The following DIAPH2 variants were observed in gnomAD, a reference collection of about 807,000 sequenced individuals.
DIAPH2 encodes the protein diaphanous related formin 2.
Under a neutral mutation model 92.7 loss-of-function variants are expected in DIAPH2, and 35 were observed. The observed-to-expected ratio is 0.38, with a 90% confidence interval of 0.29 to 0.50. The LOEUF (loss-of-function observed/expected upper bound fraction) is 0.50. Among genes scored for constraint, DIAPH2 ranks in the 20% least tolerant of loss-of-function variants. The pLI is 0.94. For missense variants in DIAPH2, 701 were observed against 819.5 expected, an observed-to-expected ratio of 0.86 and a Z score of 1.77; for synonymous variants, 301 against 280.4, an observed-to-expected ratio of 1.07 and a Z score of -0.73.
intron 19 of DIAPH2, among the ~76,000 whole-genome samples, chrX:97,077,422 T>G (rs2066712706): frequency 8.9e-6 from 1 of 112,730 alleles, no homozygotes; most frequent in Non-Finnish European, 1.9e-5. Context: ...TAAATGTGTA[T>G]CATCAGATTA....
Position 96,896,980 on chromosome X carries a change from G to A in DIAPH2, c.587+15262G>A, listed in dbSNP as rs889759853. Among the ~76,000 whole-genome samples, 3 of 111,385 alleles carry A rather than the reference G, an allele frequency of 2.7e-5. No individual in the cohort carries two copies. In the East Asian group the frequency reaches 8.4e-4, roughly 31 times the overall value. ...TTGGCTTATTTTGTCTTGGATAAAA[G>A]CCTTAACAAGTTGTTTAGTGGGGGA... On this transcript the variant is annotated intron_variant, in intron 5 of 26. Coordinates refer to ENST00000324765, the MANE Select transcript of DIAPH2 (RefSeq NM_006729.5).
At chrX:97,326,420 G>A (rs899458136) in intron 23 of DIAPH2, among the ~76,000 whole-genome samples, 2 of 111,979 alleles carry the variant, frequency 1.8e-5, no homozygotes, top group Non-Finnish European at 3.8e-5. Context: ...AAGCAGGGTT[G>A]GTTTAGAGAC....
intron 15 of DIAPH2, among the ~76,000 whole-genome samples, chrX:96,952,968 A>G (rs1447638145): frequency 1.8e-5 from 2 of 108,186 alleles, no homozygotes; most frequent in Admixed American, 1.0e-4. Context: ...AAAAAAAAAA[A>G]ATTAGCCTGG....
chrX:97,298,127 C>T (rs1179069347), intron 23 of DIAPH2, among the ~76,000 whole-genome samples: 1 of 109,088 alleles, frequency 9.2e-6, no homozygotes, highest in Non-Finnish European at 1.9e-5. Context: ...TTTCTGATTG[C>T]TACCTTAACT....
In DIAPH2 at chrX:97,573,956, C is replaced by T. The variant is rs1175781611; in HGVS notation, c.3242-25297C>T. ...AATTACAGGCATGAGCCACCGTGCCCGGCCATCAAGCATGATTTTGGTTAT... is the reference window on the plus strand; with the variant it reads ...AATTACAGGCATGAGCCACCGTGCCTGGCCATCAAGCATGATTTTGGTTAT... On this transcript the variant is annotated intron_variant, in intron 26 of 26. Coordinates refer to ENST00000324765, the MANE Select transcript of DIAPH2 (RefSeq NM_006729.5). Among the ~76,000 whole-genome samples, 6 of 111,370 alleles carry T rather than the reference C, an allele frequency of 5.4e-5. No individual in the cohort carries two copies. In the South Asian group the frequency reaches 1.1e-3, roughly 21 times the overall value.
chrX:96,763,526 G>A (rs2064282270), intron 4 of DIAPH2, among the ~76,000 whole-genome samples: 1 of 111,492 alleles, frequency 9.0e-6, no homozygotes, highest in Non-Finnish European at 1.9e-5. Flanking sequence ...AGCACATAGA[G>A]TAATGAAAAC....
chrX:97,171,927 A>G (rs1048241589), intron 22 of DIAPH2, among the ~76,000 whole-genome samples: 83 of 108,316 alleles, frequency 7.7e-4, no homozygotes, highest in Non-Finnish European at 1.3e-3. Context: ...GCAACAGAGC[A>G]AGACTCCGTC....
intron 17 of DIAPH2, among the ~76,000 whole-genome samples, chrX:97,042,883 T>C (rs2066456779): frequency 8.9e-6 from 1 of 112,116 alleles, no homozygotes; most frequent in Admixed American, 9.4e-5. Context: ...GATACTTTTA[T>C]TTTTTAAGCA....
chrX:96,721,614 C>G (rs994869942), intron 1 of DIAPH2, among the ~76,000 whole-genome samples: 2 of 111,996 alleles, frequency 1.8e-5, no homozygotes, highest in Admixed American at 9.5e-5. Flanking sequence ...TCTAACATGT[C>G]AGGTCAAACA....
intron 15 of DIAPH2, among the ~76,000 whole-genome samples, chrX:96,957,116 G>A (rs750281010): frequency 8.9e-6 from 1 of 112,484 alleles, no homozygotes; most frequent in East Asian, 2.8e-4. Flanking sequence ...TGCCTCCTGG[G>A]TTAAAACGAT....
intron 17 of DIAPH2, among the ~76,000 whole-genome samples, chrX:96,992,508 T>C (rs1476042831): frequency 8.9e-6 from 1 of 112,285 alleles, no homozygotes; most frequent in Non-Finnish European, 1.9e-5. Context: ...TAATGGATGA[T>C]GTTTTGTAAT....
chrX:96,905,008 C>A (rs1192392392), intron 5 of DIAPH2, among the ~76,000 whole-genome samples: 1 of 111,157 alleles, frequency 9.0e-6, no homozygotes, highest in Non-Finnish European at 1.9e-5. Flanking sequence ...GGGAATAGAA[C>A]ACCATTAGAG....
chrX:97,345,394 A>C (rs2069148126), intron 23 of DIAPH2, among the ~76,000 whole-genome samples: 1 of 111,986 alleles, frequency 8.9e-6, no homozygotes, highest in Non-Finnish European at 1.9e-5. Context: ...CATAAGTGTC[A>C]GCTGCAAAGT....
intron 4 of DIAPH2, among the ~76,000 whole-genome samples, chrX:96,841,617 G>A (rs2064937220): frequency 9.0e-6 from 1 of 111,611 alleles, no homozygotes; most frequent in Non-Finnish European, 1.9e-5. Flanking sequence ...TAGAAGCTTG[G>A]TTCCAAAACC....
chrX:97,177,547 C>A (rs1402369058), intron 22 of DIAPH2, among the ~76,000 whole-genome samples: 1 of 110,409 alleles, frequency 9.1e-6, no homozygotes, highest in Non-Finnish European at 1.9e-5. Flanking sequence ...TTCCAGTTTT[C>A]CTTCCCTTCT....
At chrX:97,016,365 T>C (rs2066260562) in intron 17 of DIAPH2, among the ~76,000 whole-genome samples, 1 of 112,223 alleles carries the variant, frequency 8.9e-6, no homozygotes. Flanking sequence ...AAGTCACTCA[T>C]TGTTGATCTT....
At chrX:97,125,471 C>CAAAAAAAAAAAA (rs1159049051) in intron 21 of DIAPH2, among the ~76,000 whole-genome samples, 7 of 19,218 alleles carry the variant, frequency 3.6e-4, no homozygotes, top group African/African-American at 5.6e-4. Flanking sequence ...GACTCCGTCT[C>CAAAAAAAAAAAA]AAAAAAAAAA....
intron 26 of DIAPH2, among the ~76,000 whole-genome samples, chrX:97,544,610 C>T (rs761099921): frequency 1.5e-4 from 17 of 111,582 alleles, no homozygotes; most frequent in Non-Finnish European, 2.4e-4. Context: ...GTAACTTAGG[C>T]CAGGTCATTT....
At chrX:97,161,814 A>C (rs750980707) in intron 22 of DIAPH2, among the ~76,000 whole-genome samples, 1 of 111,744 alleles carries the variant, frequency 8.9e-6, no homozygotes, top group South Asian at 3.8e-4. Flanking sequence ...TCAATAAAAG[A>C]AGACTGTCTC....
Sources: allele counts gnomAD v4.1 joint callset (sites outside exome capture counted in the v4.1 genomes callset), GRCh38; gene constraint gnomAD v4.1.1; transcripts MANE v1.5; gene names NCBI Gene and HGNC (gene_info 2026-07-23, HGNC 2026-07-21).